The following VXN variants were observed in gnomAD, a reference collection of about 807,000 sequenced individuals.
VXN encodes vexin, also known as uncharacterized protein C8orf46.
In VXN, 7 loss-of-function variants were observed where a neutral mutation model predicts 23.1. That is an observed-to-expected ratio of 0.30 (90% CI 0.17 to 0.57). The LOEUF (loss-of-function observed/expected upper bound fraction) is 0.57. Among genes scored for constraint, VXN ranks in the 20% least tolerant of loss-of-function variants. VXN has a pLI of 0.91. For missense variants in VXN, 238 were observed against 272.6 expected (o/e 0.87, Z 0.89); for synonymous variants, 120 against 105.8 (o/e 1.13, Z -0.83).
At chr8:66,499,304 C>T (rs1807663494) in intron 2 of VXN, among the ~76,000 whole-genome samples, 1 of 146,878 alleles carries the variant, frequency 6.8e-6, no homozygotes, top group South Asian at 2.2e-4. Context: ...GTGGTCTCGG[C>T]TCACCACAGT....
intron 3 of VXN, among the ~76,000 whole-genome samples, chr8:66,506,232 A>AGAGTGTGT (rs1554570603): frequency 1.4e-5 from 2 of 140,340 alleles, no homozygotes; most frequent in Admixed American, 7.1e-5. Flanking sequence ...AGAGAGAGAC[A>AGAGTGTGT]GTGTGTGTGT....
intron 2 of VXN, among the ~76,000 whole-genome samples, chr8:66,498,083 G>A (rs191226121): frequency 7.3e-5 from 11 of 151,486 alleles, no homozygotes; most frequent in Middle Eastern, 3.4e-3. Context: ...CAGGAGAATC[G>A]CTTGAACCTG....
rs1807626990 is a variant in VXN, at chr8:66,496,428, T to C, written c.71-9T>C. The C allele has an allele frequency of 6.2e-7, 1 of 1,613,842 alleles. No homozygotes were observed. Among genetic ancestry groups the C allele is most frequent in the African/African-American group, 1.3e-5 (1 of 74,948 alleles). ...GTCTAAAACCATTTCTTTCTCTCTGTCTTTGCAGTATCCAGTCCAGCCAGA... is the reference window on the plus strand; with the variant it reads ...GTCTAAAACCATTTCTTTCTCTCTGCCTTTGCAGTATCCAGTCCAGCCAGA... On this transcript the variant is annotated splice_polypyrimidine_tract_variant and intron_variant, in intron 1 of 5. Coordinates refer to ENST00000305454, the MANE Select transcript of VXN (RefSeq NM_152765.4).
chr8:66,511,760 G>A (rs912251487), intron 4 of VXN, among the ~76,000 whole-genome samples: 5 of 152,118 alleles, frequency 3.3e-5, no homozygotes, highest in African/African-American at 1.2e-4. Context: ...GTTACAAAGA[G>A]GAGGAATAAG....
rs778511159 is a variant in VXN at position 66,505,519 on chromosome 8, G to A, written c.271G>A (p.Ala91Thr). Residue 91 changes from alanine to threonine, a missense_variant, in exon 3 of 6, where the codon GCC becomes ACC. Ala to Thr is a moderately conservative substitution (Grantham distance 58, BLOSUM62 0). This residue lies in a region of VXN where 223 missense variants were observed against 236.9 expected (regional missense o/e 0.94). Transcript: ENST00000305454. ...CACAGCCCACCCGGCCAAAGCCTCT[G>A]CCAGACCCGGTACGTGAGTCCCGGC... ...PPTAHPAKAS[A>T]RPVGISEPKT... is the part of the protein sequence containing the mutation. 11 of 1,523,074 alleles carry A rather than the reference G, an allele frequency of 7.2e-6. No homozygotes were observed. In the Admixed American group the frequency reaches 2.4e-4, roughly 33 times the overall value. 94.3% of individuals were successfully genotyped at this position (1,523,074 alleles called of 1,614,324 possible). A position where few individuals can be genotyped will look rare whatever the true frequency, so the allele number is the denominator to read the frequency against.
intron 4 of VXN, 181 bp downstream of exon 4, chr8:66,510,338 T>C (rs1807807815): frequency 1.8e-6 from 1 of 568,354 alleles, no homozygotes; most frequent in Admixed American, 3.4e-5. Flanking sequence ...ATTTGTACCC[T>C]TGTGGAATAT....
intron 2 of VXN, chr8:66,505,140 A>G: frequency 1.5e-6 from 1 of 668,394 alleles, no homozygotes; most frequent in Non-Finnish European, 2.7e-6. Flanking sequence ...CCGCTCCAGA[A>G]CCCTCATTTG....
At chr8:66,510,383 C>T (rs922074268) in intron 4 of VXN, 44 of 491,784 alleles carry the variant, frequency 8.9e-5, no homozygotes, top group Non-Finnish European at 6.1e-5. Flanking sequence ...TGAGAAATTC[C>T]GCTCTTAGGC....
chr8:66,516,019 G>A lies in VXN; in HGVS notation c.567G>A (p.Arg189=). The A allele has an allele frequency of 1.9e-6, 3 of 1,613,650 alleles. No individual in the cohort carries two copies. The highest frequency in any genetic ancestry group is 2.5e-6 in the Non-Finnish European group (3 of 1,179,954). ...GCATCCTCCGGAAAATGTGGACAAG[G>A]CACAAGAAGAAGTCTGAATATGTGG... ...VPGILRKMWT[R]HKKKSEYVGA... The change falls in exon 6 of 6, where the codon AGG becomes AGA. Residue 189 remains arginine (R), a synonymous_variant. Transcript: ENST00000305454.
At chr8:66,512,512 T>C (rs1360083506) in intron 4 of VXN, among the ~76,000 whole-genome samples, 1 of 152,004 alleles carries the variant, frequency 6.6e-6, no homozygotes, top group Non-Finnish European at 1.5e-5. Context: ...CAGCACAGAG[T>C]GTGTCTATTG....
At chr8:66,510,266 G>C in intron 4 of VXN, 109 bp downstream of exon 4, 1 of 929,378 alleles carries the variant, frequency 1.1e-6, no homozygotes, top group Non-Finnish European at 1.6e-6. Flanking sequence ...TTCCAGGCCT[G>C]AGGATTATTA....
intron 2 of VXN, among the ~76,000 whole-genome samples, chr8:66,497,624 A>C (rs545863541): frequency 5.7e-4 from 87 of 152,316 alleles, no homozygotes; most frequent in Admixed American, 2.5e-3. Context: ...GTTGAAACTG[A>C]GTTGTCTCCT....
chr8:66,493,678 C>T lies in VXN; in HGVS notation c.30C>T (p.Asp10=), dbSNP rs772457629. The T allele has an allele frequency of 1.1e-5, 17 of 1,613,274 alleles. No homozygotes were observed. In the East Asian group the frequency reaches 1.6e-4, roughly 15 times the overall value. The change falls in exon 1 of 6, where the codon GAC becomes GAT. Residue 10 remains aspartate (D), a synonymous_variant. Coordinates refer to ENST00000305454, the MANE Select transcript of VXN (RefSeq NM_152765.4). The part of the protein sequence containing the change: MMHQIYSCS[D]ENIEVFTTVI... ...TGCATCAGATTTACAGCTGCAGTGA[C>T]GAGAACATAGAAGTTTTCACCACCG...
chr8:66,502,922 C>G (rs1381432464), intron 2 of VXN, among the ~76,000 whole-genome samples: 1 of 151,376 alleles, frequency 6.6e-6, no homozygotes, highest in Non-Finnish European at 1.5e-5. Flanking sequence ...TCAAAGCTCA[C>G]TACAGCCCCC....
intron 3 of VXN, among the ~76,000 whole-genome samples, chr8:66,506,829 T>G (rs1267816192): frequency 7.1e-6 from 1 of 140,378 alleles, no homozygotes; most frequent in East Asian, 2.1e-4. Flanking sequence ...CATATATGTA[T>G]GCAGAGTTTG....
chr8:66,505,634 C>T (rs1454678176), intron 3 of VXN, 106 bp downstream of exon 3: 4 of 1,320,996 alleles, frequency 3.0e-6, no homozygotes, highest in Non-Finnish European at 3.0e-6. Context: ...GCTGCGGCCT[C>T]AGTCGCGCCA....
At chr8:66,512,243 G>A (rs1807832610) in intron 4 of VXN, among the ~76,000 whole-genome samples, 1 of 152,170 alleles carries the variant, frequency 6.6e-6, no homozygotes, top group Non-Finnish European at 1.5e-5. Context: ...TGTGCTGGGT[G>A]AGATTGGCCT....
At position 66,513,609 on chromosome 8, in the gene VXN, A is replaced by T. The variant is rs763726680; in HGVS notation, c.412A>T (p.Thr138Ser). 1 of 1,614,148 alleles carries T rather than the reference A, an allele frequency of 6.2e-7. No homozygotes were observed. The highest frequency in any genetic ancestry group is 1.1e-5 in the South Asian group (1 of 91,072). ...CTCATTGGAGGCGACAGCCATGGGC[A>T]CAGAGAAGGGAGCTGTTCTGATGAG... ...SASLEATAMG[T>S]EKGAVLMRGS... The change falls in exon 5 of 6, where the codon ACA becomes TCA. Residue 138 changes from threonine to serine, a missense_variant. By Grantham distance (58) the Thr-to-Ser change is moderately conservative. Transcript: ENST00000305454.
intron 3 of VXN, 49 bp from the exon 4 acceptor site, chr8:66,510,047 C>G: frequency 6.5e-7 from 1 of 1,533,756 alleles, no homozygotes; most frequent in South Asian, 1.1e-5. Flanking sequence ...CAGTGGGAGG[C>G]AGAACACAGA....
Sources: gnomAD v4.1 joint callset for allele counts (sites outside exome capture counted in the v4.1 genomes callset) on GRCh38, gnomAD v4.1.1 for gene constraint, gnomAD v4.1.1 regional missense constraint, MANE v1.5 for transcripts, NCBI Gene and HGNC (gene_info 2026-07-23, HGNC 2026-07-21) for gene names.